Variants in LARGE1 observed in about 807,000 individuals in gnomAD.
LARGE1 encodes the protein LARGE xylosyl- and glucuronyltransferase 1.
A neutral mutation model predicts 87.6 loss-of-function variants in LARGE1; 43 were observed. That is an observed-to-expected ratio of 0.49 (90% CI 0.38 to 0.63). LARGE1 has a LOEUF of 0.63. Among genes scored for constraint, LARGE1 ranks in the 30% least tolerant of loss-of-function variants. LARGE1 has a pLI of 0.00. For missense variants in LARGE1, 802 were observed against 1,000.2 expected, an observed-to-expected ratio of 0.80 and a Z score of 2.67; for synonymous variants, 434 against 394.6, an observed-to-expected ratio of 1.10 and a Z score of -1.18.
At chr22:33,907,417 A>G (rs1392712866) in intron 1 of LARGE1, among the ~76,000 whole-genome samples, 2 of 152,198 alleles carry the variant, frequency 1.3e-5, no homozygotes, top group African/African-American at 4.8e-5. Context: ...ACCGTCTGAT[A>G]ATTTCTCCAT....
chr22:33,083,602 A>G, the LARGE1 span, among the ~76,000 whole-genome samples: 7 of 152,348 alleles, frequency 4.6e-5, no homozygotes, highest in South Asian at 2.1e-4. Context: ...CCATGAAAAA[A>G]TATATAATAT....
At chr22:33,111,645 A>G in the LARGE1 span, among the ~76,000 whole-genome samples, 2 of 152,220 alleles carry the variant, frequency 1.3e-5, no homozygotes, top group Non-Finnish European at 2.9e-5. Context: ...AGATCAGAGG[A>G]AAGATCACAG....
chr22:33,307,731 G>A (rs896852048), intron 11 of LARGE1, among the ~76,000 whole-genome samples: 1 of 152,020 alleles, frequency 6.6e-6, no homozygotes, highest in African/African-American at 2.4e-5. Context: ...ATCAGGTCAT[G>A]AAGGTGGAAC....
intron 11 of LARGE1, among the ~76,000 whole-genome samples, chr22:33,239,294 C>T (rs137478): frequency 0.97 from 147,594 of 152,088 alleles, 71,651 homozygotes; most frequent in East Asian, 1. Context: ...CTTTCCAAAG[C>T]AATTAGTGTA....
chr22:33,568,834 AGATGGATGGATGGATGGATGAATGCATG>A (rs1242711151), intron 5 of LARGE1, among the ~76,000 whole-genome samples: 4 of 151,372 alleles, frequency 2.6e-5, no homozygotes, highest in Non-Finnish European at 5.9e-5. Context: ...TATCTGGAAC[AGATGGATGGATGGATGGATGAATGCATG>A]GATGGATGGA....
intron 5 of LARGE1, among the ~76,000 whole-genome samples, chr22:33,588,678 T>G (rs1485463690): frequency 6.6e-6 from 1 of 152,224 alleles, no homozygotes; most frequent in Non-Finnish European, 1.5e-5. Context: ...CCTTCTGCTT[T>G]CACTGCTGTG....
intron 5 of LARGE1, among the ~76,000 whole-genome samples, chr22:33,586,616 C>T (rs182350551): frequency 1.3e-5 from 2 of 152,140 alleles, no homozygotes; most frequent in Admixed American, 6.5e-5. Context: ...CACCACCACG[C>T]CTGGCTAATT....
At chr22:33,454,970 T>C (rs1569178806) in intron 6 of LARGE1, among the ~76,000 whole-genome samples, 2 of 152,126 alleles carry the variant, frequency 1.3e-5, no homozygotes, top group South Asian at 4.1e-4. Context: ...GAGACTTGGG[T>C]GGGGACACAG....
intron 4 of LARGE1, among the ~76,000 whole-genome samples, chr22:33,623,467 C>G (rs2079819366): frequency 6.6e-6 from 1 of 152,110 alleles, no homozygotes; most frequent in Admixed American, 6.5e-5. Context: ...GAAGAACTGA[C>G]AGCCTCTACG....
chr22:33,506,209 T>C (rs996001143), intron 6 of LARGE1, among the ~76,000 whole-genome samples: 4 of 151,950 alleles, frequency 2.6e-5, no homozygotes, highest in Non-Finnish European at 5.9e-5. Flanking sequence ...TATATATATA[T>C]ATATATTTTT....
At chr22:33,663,214 A>C (rs902369532) in intron 2 of LARGE1, among the ~76,000 whole-genome samples, 3 of 152,158 alleles carry the variant, frequency 2.0e-5, no homozygotes, top group Admixed American at 1.3e-4. Context: ...CTTTATTGGG[A>C]TGGGCACTTG....
At chr22:33,512,659 C>A (rs897878316) in intron 6 of LARGE1, among the ~76,000 whole-genome samples, 1 of 152,058 alleles carries the variant, frequency 6.6e-6, no homozygotes, top group African/African-American at 2.4e-5. Context: ...AAAATTTAGC[C>A]GGGAGTGGTG....
chr22:33,907,006 A>C (rs1328045501), intron 1 of LARGE1, among the ~76,000 whole-genome samples: 2 of 152,092 alleles, frequency 1.3e-5, no homozygotes, highest in Non-Finnish European at 2.9e-5. Context: ...GCAGAAGAAA[A>C]AGGAAAATGG....
chr22:33,249,086 G>A (rs1033039875), intron 11 of LARGE1, among the ~76,000 whole-genome samples: 1 of 152,180 alleles, frequency 6.6e-6, no homozygotes, highest in East Asian at 1.9e-4. Flanking sequence ...GAGTGTAATT[G>A]CTGGATCACA....
At chr22:33,844,878 G>A (rs1313299661) in intron 1 of LARGE1, among the ~76,000 whole-genome samples, 1 of 151,860 alleles carries the variant, frequency 6.6e-6, no homozygotes, top group Non-Finnish European at 1.5e-5. Flanking sequence ...GCACCACCAT[G>A]CCTGGCTAAT....
At chr22:33,503,246 T>C (rs1391884154) in intron 6 of LARGE1, among the ~76,000 whole-genome samples, 1 of 150,368 alleles carries the variant, frequency 6.7e-6, no homozygotes, top group African/African-American at 2.5e-5. Flanking sequence ...GTTCCCCTTT[T>C]TTTTTTTTTT....
At chr22:33,686,690 G>T (rs985408428) in intron 2 of LARGE1, among the ~76,000 whole-genome samples, 16 of 152,154 alleles carry the variant, frequency 1.1e-4, no homozygotes, top group African/African-American at 3.9e-4. Context: ...TTGGTCTTGG[G>T]GACTATGGCG....
intron 11 of LARGE1, among the ~76,000 whole-genome samples, chr22:33,214,520 T>C (rs998216549): frequency 4.6e-5 from 7 of 152,262 alleles, no homozygotes; most frequent in East Asian, 3.9e-4. Flanking sequence ...TTTCCCATCA[T>C]GTATTTGGAG....
chr22:33,762,252 G>A lies in LARGE1; in HGVS notation c.-82-694C>T, dbSNP rs1394526172. Among the ~76,000 whole-genome samples the A allele has an allele frequency of 3.5e-5, 5 of 141,622 alleles. No individual in the cohort carries two copies. The East Asian group carries it at 8.6e-4, about 24-fold the overall frequency. 92.9% of individuals were successfully genotyped at this position (141,622 alleles called of 152,430 possible). On this transcript the variant is annotated intron_variant, in intron 1 of 14. Transcript: ENST00000397394. ...AAAAAAAAAAAAAAAGACTAGACCAGAGGATGGATTCAAAAAGTGTAGTCT... is the reference window on the plus strand; with the variant it reads ...AAAAAAAAAAAAAAAGACTAGACCAAAGGATGGATTCAAAAAGTGTAGTCT...
Sources: gnomAD v4.1 joint callset for allele counts (sites outside exome capture counted in the v4.1 genomes callset) on GRCh38, gnomAD v4.1.1 for gene constraint, MANE v1.5 for transcripts, NCBI Gene and HGNC (gene_info 2026-07-23, HGNC 2026-07-21) for gene names.